Variants in NIN observed in about 807,000 individuals in gnomAD.
The protein encoded by NIN is glycogen synthase kinase 3 beta-interacting protein.
Under a neutral mutation model 257.6 loss-of-function variants are expected in NIN, and 137 were observed. The ratio of observed to expected loss-of-function variants is 0.53; its 90% CI spans 0.46 to 0.61. The LOEUF is 0.61. Among genes scored for constraint, NIN ranks in the 20% least tolerant of loss-of-function variants. The pLI is 0.00. For missense variants in NIN, 2,439 were observed against 2,501.2 expected (o/e 0.98, Z 0.53); for synonymous variants, 918 against 919.8 (o/e 1.00, Z 0.04).
Position 50,772,316 on chromosome 14 carries a change from G to A in NIN, c.966C>T (p.Ser322=), listed in dbSNP as rs1001356913. ...DTWQEEGIEN[S]QEILKALDFS... ...GCTGCCACACCTTCAGGATCTCCTG[G>A]CTGTTCTCAATGCCCTCTTCCTGCC... The change falls in exon 9 of 31, where the codon AGC becomes AGT. Residue 322 remains serine (S), a synonymous_variant. Coordinates refer to ENST00000530997, the MANE Select transcript of NIN (RefSeq NM_020921.4). The A allele has an allele frequency of 1.9e-6, 3 of 1,605,454 alleles. No individual in the cohort carries two copies. The African/African-American group carries it at 4.0e-5, about 21-fold the overall frequency.
intron 4 of NIN, among the ~76,000 whole-genome samples, chr14:50,803,734 G>A (rs1030124528): frequency 4.6e-5 from 7 of 152,128 alleles, no homozygotes; most frequent in African/African-American, 1.7e-4. Flanking sequence ...AATGCTATAT[G>A]ATCTATGATT....
intron 14 of NIN, among the ~76,000 whole-genome samples, chr14:50,764,749 T>C (rs1595810344): frequency 6.6e-6 from 1 of 151,868 alleles, no homozygotes; most frequent in Non-Finnish European, 1.5e-5. Context: ...TTATATGAAA[T>C]GTATAGAATA....
intron 5 of NIN, among the ~76,000 whole-genome samples, chr14:50,788,401 C>G (rs1404648645): frequency 6.6e-6 from 1 of 152,212 alleles, no homozygotes; most frequent in East Asian, 1.9e-4. Context: ...ATAATAGCCT[C>G]CCTCTCACAT....
intron 3 of NIN, among the ~76,000 whole-genome samples, chr14:50,809,046 C>T (rs2044461126): frequency 6.6e-6 from 1 of 152,092 alleles, no homozygotes; most frequent in African/African-American, 2.4e-5. Flanking sequence ...CATGGTGAAA[C>T]CCCGTCTCCA....
chr14:50,734,230 C>T (rs2040864184), intron 28 of NIN, among the ~76,000 whole-genome samples: 1 of 151,996 alleles, frequency 6.6e-6, no homozygotes, highest in African/African-American at 2.4e-5. Flanking sequence ...GCTAGGATCA[C>T]AGGTGCCCAC....
Position 50,760,437 on chromosome 14 carries a change from CTTTTTTTTTTT to C in NIN, c.1897-89_1897-79del, listed in dbSNP as rs35995624. 5.9e-5 allele frequency: 25 copies of C among 425,618 alleles called. No homozygotes were observed. In the East Asian group the frequency reaches 1.1e-3, roughly 18 times the overall value. The allele number at this position is 425,618 out of a possible 1,614,324, so 26.4% of individuals were successfully genotyped here. ...AAGTGAAGTGATGGAGCAGCAATTG[CTTTTTTTTTTT>C]TTTTTTTTTTCCCTACAAGACATTT... is the stretch of plus-strand genomic sequence containing the variant. On this transcript the variant is annotated intron_variant, in intron 16 of 30. Transcript: ENST00000530997.
In NIN at chr14:50,829,251, A is replaced by G. The variant is rs114484084; in HGVS notation, c.-22+1213T>C. ...AGCCTGTAATGTTCCTCCTATACAC[A>G]CTCTGGAAATCCTCAGCTCCCTTCA... On this transcript the variant is annotated intron_variant, in intron 2 of 30. Transcript: ENST00000530997. Among the ~76,000 whole-genome samples, 1,191 of 152,052 alleles carry G rather than the reference A, an allele frequency of 7.8e-3. 26 individuals are homozygous for G. The highest frequency in any genetic ancestry group is 0.028 in the African/African-American group (1,158 of 41,450).
chr14:50,817,429 T>A (rs760153985), intron 3 of NIN, among the ~76,000 whole-genome samples: 4 of 152,190 alleles, frequency 2.6e-5, no homozygotes, highest in Non-Finnish European at 5.9e-5. Flanking sequence ...TCAAGAAATT[T>A]AGAAAGAACC....
In NIN at chr14:50,752,438, T is replaced by G. The variant is rs576831302; in HGVS notation, c.4950+80A>C. The G allele has an allele frequency of 4.1e-5, 44 of 1,069,458 alleles. No homozygotes were observed. The African/African-American group carries it at 6.5e-4, about 16-fold the overall frequency. The allele number at this position is 1,069,458 out of a possible 1,614,324, so 66.2% of individuals were successfully genotyped here. Reference sequence around the variant, plus strand: ...TGTTTTAATTACTAAGGCTTTATGTTTAAGGAAGTTTAATACAAACATTTC... The same window carrying G: ...TGTTTTAATTACTAAGGCTTTATGTGTAAGGAAGTTTAATACAAACATTTC... On this transcript the variant is annotated intron_variant, in intron 21 of 30. Transcript: ENST00000530997.
At chr14:50,809,291 T>C (rs10145182) in intron 3 of NIN, among the ~76,000 whole-genome samples, 2 of 151,910 alleles carry the variant, frequency 1.3e-5, no homozygotes, top group African/African-American at 2.4e-5. Flanking sequence ...GTGACCAAGA[T>C]AGCCAAGAGT....
chr14:50,753,294 G>A (rs1362994316), intron 20 of NIN, among the ~76,000 whole-genome samples: 1 of 152,176 alleles, frequency 6.6e-6, no homozygotes, highest in Admixed American at 6.5e-5. Context: ...CAGCTATTTG[G>A]GAGGCTGAGA....
At chr14:50,813,029 A>C (rs758914772) in intron 3 of NIN, among the ~76,000 whole-genome samples, 1 of 152,174 alleles carries the variant, frequency 6.6e-6, no homozygotes, top group Non-Finnish European at 1.5e-5. Context: ...TCATCTTTCA[A>C]AGAGATAGTT....
intron 5 of NIN, among the ~76,000 whole-genome samples, chr14:50,783,173 C>T (rs1163992021): frequency 6.6e-6 from 1 of 152,066 alleles, no homozygotes; most frequent in Admixed American, 6.5e-5. Context: ...TCCGGCCCTC[C>T]CCGCTGACCC....
At chr14:50,752,158 G>GTTTT (rs4027697) in intron 21 of NIN, among the ~76,000 whole-genome samples, 6 of 148,710 alleles carry the variant, frequency 4.0e-5, no homozygotes, top group African/African-American at 1.5e-4. Context: ...TATTTGTATA[G>GTTTT]TTTTTTTTTT....
At chr14:50,776,345 A>G (rs957044347) in intron 7 of NIN, among the ~76,000 whole-genome samples, 1 of 152,174 alleles carries the variant, frequency 6.6e-6, no homozygotes, top group Non-Finnish European at 1.5e-5. Flanking sequence ...TAGTATTTTC[A>G]AAACAACCAA....
In NIN at chr14:50,770,487, C is replaced by T. The variant is rs774401481; in HGVS notation, c.1335G>A (p.Leu445=). 6.2e-7 allele frequency: 1 copy of T among 1,614,212 alleles called. No homozygotes were observed. Among genetic ancestry groups the T allele is most frequent in the South Asian group, 1.1e-5 (1 of 91,084 alleles). ...CTAAACGCTGCTTGCCTGCCTGCTGCAGGATCTGCTCTCTCTCTTTTCGGA... is the reference window on the plus strand; with the variant it reads ...CTAAACGCTGCTTGCCTGCCTGCTGTAGGATCTGCTCTCTCTCTTTTCGGA... ...NELRKEREQI[L]QQAGKQRLEL... is the part of the protein sequence containing the mutation. The change falls in exon 12 of 31, where the codon CTG becomes CTA. Residue 445 remains leucine, a synonymous_variant. Coordinates refer to ENST00000530997, the MANE Select transcript of NIN (RefSeq NM_020921.4).
intron 5 of NIN, among the ~76,000 whole-genome samples, chr14:50,782,695 T>A: frequency 6.6e-6 from 1 of 152,390 alleles, no homozygotes; most frequent in East Asian, 1.9e-4. Context: ...CACTATTTAT[T>A]TGCCCACTAA....
chr14:50,738,358 G>C (rs2041107115), intron 26 of NIN, 72 bp from the exon 27 acceptor site: 2 of 1,396,570 alleles, frequency 1.4e-6, no homozygotes, highest in Non-Finnish European at 1.0e-6. Context: ...CAAACATAGG[G>C]AAAGTTTTAA....
intron 21 of NIN, 47 bp downstream of exon 21, chr14:50,752,471 T>C (rs1481645164): frequency 7.3e-7 from 1 of 1,370,590 alleles, no homozygotes; most frequent in African/African-American, 1.4e-5. Flanking sequence ...TTCTTCTATT[T>C]CTTGGGATTT....
Sources: allele counts gnomAD v4.1 joint callset (sites outside exome capture counted in the v4.1 genomes callset), GRCh38; gene constraint gnomAD v4.1.1; transcripts MANE v1.5; gene names NCBI Gene and HGNC (gene_info 2026-07-23, HGNC 2026-07-21).